Variants in TMOD2 observed in about 807,000 individuals in gnomAD.
The protein encoded by TMOD2 is tropomodulin-2.
TMOD2 carries 22 observed loss-of-function variants against 39.9 expected under a neutral mutation model. The observed-to-expected ratio is 0.55, with a 90% CI of 0.39 to 0.79. The LOEUF is 0.79. Ranked by LOEUF, TMOD2 falls within the 30% of genes least tolerant of loss-of-function variation. The pLI is 0.00. For missense variants in TMOD2, 386 were observed against 413.3 expected (o/e 0.93, Z 0.57); for synonymous variants, 123 against 146.1 (o/e 0.84, Z 1.14).
chr15:51,785,411 CAAAAAAAA>C (rs57631565), intron 7 of TMOD2, among the ~76,000 whole-genome samples: 1 of 70,490 alleles, frequency 1.4e-5, no homozygotes, highest in South Asian at 5.3e-4. Context: ...GACTCTGTCT[CAAAAAAAA>C]AAAAAAAAAA....
intron 1 of TMOD2, among the ~76,000 whole-genome samples, chr15:51,754,307 T>TG: frequency 1.3e-5 from 2 of 152,276 alleles, no homozygotes; most frequent in East Asian, 3.9e-4. Flanking sequence ...AGGGTAGTGT[T>TG]GGGGGAAAAA....
chr15:51,758,587 G>C lies in TMOD2; in HGVS notation c.-70+6875G>C, dbSNP rs1049850784. Among the ~76,000 whole-genome samples, 4 of 152,180 alleles carry C rather than the reference G, an allele frequency of 2.6e-5. No homozygotes were observed. In the East Asian group the frequency reaches 7.7e-4, roughly 29 times the overall value. ...CTACTTCAGATCAAGAACTGTGCTGGGAGTCAGGATTTTATCAGTGAATAA... is the reference window on the plus strand; with the variant it reads ...CTACTTCAGATCAAGAACTGTGCTGCGAGTCAGGATTTTATCAGTGAATAA... On this transcript the variant is annotated intron_variant, in intron 1 of 9. Transcript: ENST00000249700.
intron 1 of TMOD2, among the ~76,000 whole-genome samples, chr15:51,759,279 T>G (rs1047884032): frequency 6.6e-6 from 1 of 152,194 alleles, no homozygotes; most frequent in Non-Finnish European, 1.5e-5. Flanking sequence ...AGAGCACTTC[T>G]GACATATTTG....
rs185087582 is a variant in TMOD2 at position 51,802,935 on chromosome 15, G to A, written c.877-3442G>A. 3.9e-5 allele frequency among the ~76,000 whole-genome samples: 6 copies of A among 152,198 alleles called. No individual in the cohort carries two copies. The East Asian group carries it at 5.8e-4, about 15-fold the overall frequency. On this transcript the variant is annotated intron_variant, in intron 8 of 9. Transcript: ENST00000249700. ...GATAAGCCTTAAACTTGCTTGGGAC[G>A]CAAGAGTTCCTCCATAAACTTTTCT...
chr15:51,784,573 A>G (rs1235218259), intron 7 of TMOD2: 1 of 152,252 alleles, frequency 6.6e-6, no homozygotes, highest in African/African-American at 2.4e-5. Flanking sequence ...GAACCAGGCT[A>G]CAAAAATCAA....
intron 1 of TMOD2, among the ~76,000 whole-genome samples, chr15:51,753,283 A>T (rs138343108): frequency 3.1e-4 from 47 of 152,340 alleles, no homozygotes; most frequent in African/African-American, 1.1e-3. Flanking sequence ...ATTTCAAAGT[A>T]TCTCACCACA....
At chr15:51,754,939 GA>G (rs2055732121) in intron 1 of TMOD2, among the ~76,000 whole-genome samples, 1 of 152,196 alleles carries the variant, frequency 6.6e-6, no homozygotes, top group South Asian at 2.1e-4. Context: ...ATTTTTGAGT[GA>G]AAGGTCAGGA....
chr15:51,789,194 A>C (rs2055992131), intron 7 of TMOD2, among the ~76,000 whole-genome samples: 1 of 152,194 alleles, frequency 6.6e-6, no homozygotes, highest in African/African-American at 2.4e-5. Context: ...AGTAAAAAAA[A>C]GCAGGGGTTG....
chr15:51,800,996 C>T (rs555419696), intron 8 of TMOD2, among the ~76,000 whole-genome samples: 6 of 152,158 alleles, frequency 3.9e-5, no homozygotes, highest in African/African-American at 9.7e-5. Flanking sequence ...TGAGCCCCAC[C>T]GCGCCTAGCC....
rs1442004516 is a variant in TMOD2 at position 51,776,058 on chromosome 15, G to A, written c.407-874G>A. On this transcript the variant is annotated intron_variant, in intron 4 of 9. Coordinates refer to ENST00000249700, the MANE Select transcript of TMOD2 (RefSeq NM_014548.4). ...AGTCACACAGTTTAACGTGGTCAGA[G>A]TCAGGATTCTTGACTGCTCCCAAGT... is the stretch of plus-strand genomic sequence containing the variant. Among the ~76,000 whole-genome samples, 3 of 152,192 alleles carry A rather than the reference G, an allele frequency of 2.0e-5. No homozygotes were observed. The East Asian group carries it at 5.8e-4, about 29-fold the overall frequency.
intron 7 of TMOD2, among the ~76,000 whole-genome samples, chr15:51,797,607 G>A (rs952585329): frequency 2.0e-5 from 3 of 152,142 alleles, no homozygotes; most frequent in Non-Finnish European, 4.4e-5. Flanking sequence ...AACTCTGGGA[G>A]TAAAGAGAGC....
At chr15:51,760,732 G>C (rs1292107699) in intron 1 of TMOD2, among the ~76,000 whole-genome samples, 4 of 152,152 alleles carry the variant, frequency 2.6e-5, no homozygotes, top group East Asian at 3.8e-4. Flanking sequence ...CTTGAACCCG[G>C]GAGGTAGAGG....
chr15:51,797,768 G>C (rs1044573023), intron 7 of TMOD2, among the ~76,000 whole-genome samples: 2 of 151,542 alleles, frequency 1.3e-5, no homozygotes, highest in South Asian at 2.1e-4. Context: ...TAGTTTCCAA[G>C]TGCTAGTCAA....
chr15:51,800,627 T>G (rs16964528), intron 8 of TMOD2, among the ~76,000 whole-genome samples: 5,076 of 152,274 alleles, frequency 0.033, 140 homozygotes, highest in Non-Finnish European at 0.051. Flanking sequence ...CATCTAGGAA[T>G]GGATTTGTGT....
intron 8 of TMOD2, among the ~76,000 whole-genome samples, chr15:51,800,546 C>A (rs1210786744): frequency 6.6e-6 from 1 of 151,790 alleles, no homozygotes. Flanking sequence ...AAAAAAAAAA[C>A]AAAACCCTGA....
At chr15:51,797,782 TAA>T (rs1403602366) in intron 7 of TMOD2, among the ~76,000 whole-genome samples, 4 of 152,058 alleles carry the variant, frequency 2.6e-5, no homozygotes, top group Non-Finnish European at 5.9e-5. Context: ...TAGTCAATGG[TAA>T]AGTTTTTTTT....
At chr15:51,792,011 G>A (rs988427405) in intron 7 of TMOD2, among the ~76,000 whole-genome samples, 3 of 152,134 alleles carry the variant, frequency 2.0e-5, no homozygotes, top group African/African-American at 4.8e-5. Context: ...ATTGACAAGT[G>A]GGATCTAATT....
At chr15:51,797,814 GA>G (rs1445581318) in intron 7 of TMOD2, among the ~76,000 whole-genome samples, 7 of 148,192 alleles carry the variant, frequency 4.7e-5, no homozygotes, top group Non-Finnish European at 1.0e-4. Flanking sequence ...CATAGTAAAG[GA>G]AAAAAACTGG....
At position 51,806,454 on chromosome 15, in the gene TMOD2, A is replaced by C. The variant is rs1181483137; in HGVS notation, c.954A>C (p.Gly318=). 1 of 1,614,106 alleles carries C rather than the reference A, an allele frequency of 6.2e-7. No individual in the cohort carries two copies. The highest frequency in any genetic ancestry group is 2.2e-5 in the East Asian group (1 of 44,896). ...LEENSRILKF[G]YQFTKQGPRT... ...AGAATTCAAGGATCCTCAAGTTTGG[A>C]TACCAGTTTACCAAGCAAGGGCCAC... The change falls in exon 9 of 10, where the codon GGA becomes GGC. Residue 318 remains glycine (G), a synonymous_variant. Coordinates refer to ENST00000249700, the MANE Select transcript of TMOD2 (RefSeq NM_014548.4).
Sources: allele counts gnomAD v4.1 joint callset (sites outside exome capture counted in the v4.1 genomes callset), GRCh38; gene constraint gnomAD v4.1.1; transcripts MANE v1.5; gene names NCBI Gene and HGNC (gene_info 2026-07-23, HGNC 2026-07-21).